The following GLYATL2 variants were observed in gnomAD, a reference collection of about 807,000 sequenced individuals.
GLYATL2 encodes glycine-N-acyltransferase like 2, also known as glycine N-acyltransferase-like protein 2.
A neutral mutation model predicts 21.4 loss-of-function variants in GLYATL2; 25 were observed. The ratio of observed to expected loss-of-function variants is 1.17; its 90% CI spans 0.85 to 1.63. GLYATL2 has a LOEUF of 1.63. Ranked by LOEUF, GLYATL2 falls within the 40% of genes most tolerant of loss-of-function variation. The pLI, the probability that GLYATL2 is intolerant of heterozygous loss-of-function variation, is 0.00. For missense variants in GLYATL2, 361 were observed against 343.3 expected (o/e 1.05, Z -0.41); for synonymous variants, 114 against 118.2 (o/e 0.96, Z 0.23).
At chr11:58,847,748 C>T (rs1590720322), upstream of GLYATL2, among the ~76,000 whole-genome samples, 1 of 152,204 alleles carries the variant, frequency 6.6e-6, no homozygotes, top group South Asian at 2.1e-4. Flanking sequence ...TATCTCAGGG[C>T]CTGAGGAATC....
chr11:58,834,230 A>G lies in GLYATL2; in HGVS notation c.*199T>C, dbSNP rs1853382667. 1 of 424,100 alleles carries G rather than the reference A, an allele frequency of 2.4e-6. No homozygotes were observed. Among genetic ancestry groups the G allele is most frequent in the South Asian group, 7.7e-5 (1 of 13,006 alleles). The allele number at this position is 424,100 out of a possible 1,614,324, so 26.3% of individuals were successfully genotyped here. A position where few individuals can be genotyped will look rare whatever the true frequency, so the allele number is the denominator to read the frequency against. ...TGAGATGTCTGTCATAAAGGAAATT[A>G]TGAGACCATAAAATTGAGCTTCTAA... On this transcript the variant is annotated 3_prime_UTR_variant, in exon 6 of 6. Transcript: ENST00000287275.
chr11:58,871,831 T>C (rs1286339277), intron 1 of GLYATL2, among the ~76,000 whole-genome samples: 1 of 152,240 alleles, frequency 6.6e-6, no homozygotes, highest in Non-Finnish European at 1.5e-5. Context: ...TTGGTATTTC[T>C]AGTTCTAGAT....
chr11:58,905,958 T>A (rs1464949197), upstream of GLYATL2, among the ~76,000 whole-genome samples: 1 of 151,614 alleles, frequency 6.6e-6, no homozygotes, highest in Non-Finnish European at 1.5e-5. Flanking sequence ...CCAGCGAGAG[T>A]GTCAATTCCC....
At chr11:58,863,633 G>T (rs1853971707) in intron 1 of GLYATL2, among the ~76,000 whole-genome samples, 1 of 152,176 alleles carries the variant, frequency 6.6e-6, no homozygotes, top group Non-Finnish European at 1.5e-5. Flanking sequence ...GACCATAGGT[G>T]GTAGACTGGT....
At position 58,839,540 on chromosome 11, in the gene GLYATL2, T is replaced by C. The variant is rs772279039; in HGVS notation, c.73A>G (p.Ile25Val). ...KSLEKSIPESIKVYGAIFNIK... is the reference protein window; with the variant it reads ...KSLEKSIPESVKVYGAIFNIK... ...ATCTCCTCCTACTCCGTTACCTTTA[T>C]GGATTCAGGGATGCTCTTTTCTAAG... The change falls in exon 2 of 6, where the codon ATA (isoleucine) becomes GTA (valine). Residue 25 changes from isoleucine (I) to valine (V), a missense_variant. Coordinates refer to ENST00000287275, the MANE Select transcript of GLYATL2 (RefSeq NM_145016.4). 1.2e-6 allele frequency: 2 copies of C among 1,605,026 alleles called. No individual in the cohort carries two copies. The highest frequency in any genetic ancestry group is 1.7e-6 in the Non-Finnish European group (2 of 1,172,862).
At chr11:58,883,871 G>A (rs577978339) in intron 1 of GLYATL2, among the ~76,000 whole-genome samples, 5 of 152,258 alleles carry the variant, frequency 3.3e-5, no homozygotes, top group South Asian at 2.1e-4. Flanking sequence ...TATTCACCAC[G>A]ATCAAGTGGG....
chr11:58,896,217 A>G (rs1854632560), intron 1 of GLYATL2, among the ~76,000 whole-genome samples: 1 of 152,078 alleles, frequency 6.6e-6, no homozygotes, highest in Non-Finnish European at 1.5e-5. Flanking sequence ...TAGAGACCCC[A>G]TCTGCATAAT....
intron 1 of GLYATL2, among the ~76,000 whole-genome samples, chr11:58,858,190 A>G (rs1387275651): frequency 1.3e-5 from 2 of 152,032 alleles, no homozygotes; most frequent in Non-Finnish European, 2.9e-5. Flanking sequence ...AAAGTGGGGG[A>G]AAAAAACTCC....
At chr11:58,878,058 C>A (rs142372127) in intron 1 of GLYATL2, among the ~76,000 whole-genome samples, 1 of 152,298 alleles carries the variant, frequency 6.6e-6, no homozygotes, top group Non-Finnish European at 1.5e-5. Context: ...CCAGTTGTAA[C>A]CAATCTCAGT....
chr11:58,872,239 G>C (rs1285948644), intron 1 of GLYATL2, among the ~76,000 whole-genome samples: 1 of 152,148 alleles, frequency 6.6e-6, no homozygotes, highest in African/African-American at 2.4e-5. Flanking sequence ...TAGGTTGCCT[G>C]TTCACTCTGA....
intron 3 of GLYATL2, 60 bp from the exon 4 acceptor site, chr11:58,837,457 A>G (rs2134569847): frequency 6.7e-7 from 1 of 1,491,322 alleles, no homozygotes; most frequent in Non-Finnish European, 9.3e-7. Context: ...ATGTTCTTGC[A>G]TAGGTCTAGA....
At chr11:58,905,824 C>T (rs908965160), upstream of GLYATL2, among the ~76,000 whole-genome samples, 3 of 152,268 alleles carry the variant, frequency 2.0e-5, no homozygotes, top group Non-Finnish European at 2.9e-5. Flanking sequence ...CGTGCACTCT[C>T]ATCCCTTTTC....
At chr11:58,883,119 G>A (rs750919556) in intron 1 of GLYATL2, among the ~76,000 whole-genome samples, 6 of 152,102 alleles carry the variant, frequency 3.9e-5, no homozygotes, top group African/African-American at 9.7e-5. Context: ...TATGGGGATG[G>A]CATTGAATCT....
At chr11:58,853,361 A>C (rs531737) in intron 1 of GLYATL2, among the ~76,000 whole-genome samples, 135,011 of 152,168 alleles carry the variant, frequency 0.89, 61,056 homozygotes, top group Non-Finnish European at 0.98. Context: ...ATCAAAAATA[A>C]AGTATTTGCA....
At chr11:58,846,988 T>C (rs777323220), upstream of GLYATL2, among the ~76,000 whole-genome samples, 6 of 152,008 alleles carry the variant, frequency 3.9e-5, no homozygotes, top group Non-Finnish European at 7.4e-5. Context: ...TCTTGCATCT[T>C]GGATATCAGC....
chr11:58,877,898 T>C (rs1302022172), intron 1 of GLYATL2, among the ~76,000 whole-genome samples: 2 of 152,250 alleles, frequency 1.3e-5, no homozygotes, highest in Non-Finnish European at 2.9e-5. Context: ...GGGTGAACGG[T>C]AACCTACCTT....
At chr11:58,846,241 A>T (rs11229661), upstream of GLYATL2, among the ~76,000 whole-genome samples, 34,154 of 151,540 alleles carry the variant, frequency 0.23, 4,045 homozygotes, top group East Asian at 0.3. Flanking sequence ...AATTTTTTTT[A>T]TATAGTTTAT....
chr11:58,906,922 C>A (rs376037192), upstream of GLYATL2, among the ~76,000 whole-genome samples: 6 of 152,182 alleles, frequency 3.9e-5, no homozygotes, highest in South Asian at 6.2e-4. Context: ...ATAGCTACAC[C>A]CCGACATACT....
chr11:58,903,272 C>A (rs1462488026), intron 1 of GLYATL2, among the ~76,000 whole-genome samples: 5 of 152,090 alleles, frequency 3.3e-5, no homozygotes, highest in Admixed American at 2.6e-4. Flanking sequence ...TACAGGGCAC[C>A]TAAGACACAG....
Sources: gnomAD v4.1 joint callset for allele counts (sites outside exome capture counted in the v4.1 genomes callset) on GRCh38, gnomAD v4.1.1 for gene constraint, MANE v1.5 for transcripts, NCBI Gene and HGNC (gene_info 2026-07-23, HGNC 2026-07-21) for gene names.